The following VWC2 variants were observed in gnomAD, a reference collection of about 807,000 sequenced individuals.
The protein encoded by VWC2 is von Willebrand factor C domain containing 2.
In VWC2, 14 loss-of-function variants were observed where a neutral mutation model predicts 29.8. That is an observed-to-expected ratio of 0.47 (90% confidence interval 0.31 to 0.74). The LOEUF (loss-of-function observed/expected upper bound fraction) is 0.74, where lower values mean the gene tolerates loss of function less well. VWC2 is among the 30% of genes least tolerant of loss of function. The pLI, the probability that VWC2 is intolerant of heterozygous loss-of-function variation, is 0.05. For synonymous variants in VWC2, 213 were observed against 199.0 expected, an observed-to-expected ratio of 1.07 and a Z score of -0.59; for missense variants, 457 against 459.8, an observed-to-expected ratio of 0.99 and a Z score of 0.05.
chr7:49,805,551 G>A (rs1259759960), intron 3 of VWC2, among the ~76,000 whole-genome samples: 2 of 152,126 alleles, frequency 1.3e-5, no homozygotes, highest in Non-Finnish European at 2.9e-5. Flanking sequence ...GGAAAATGGG[G>A]TTTGAAATTC....
chr7:49,860,989 G>C (rs1408721837), intron 3 of VWC2, among the ~76,000 whole-genome samples: 2 of 152,156 alleles, frequency 1.3e-5, no homozygotes, highest in Non-Finnish European at 2.9e-5. Flanking sequence ...AAGCAAACCA[G>C]TCTGTGGTAT....
chr7:49,825,617 T>G (rs1404400028), intron 3 of VWC2, among the ~76,000 whole-genome samples: 1 of 152,204 alleles, frequency 6.6e-6, no homozygotes, highest in Non-Finnish European at 1.5e-5. Context: ...TATGCTGGCA[T>G]TTTGGGCCCA....
At chr7:49,798,134 T>C (rs1327310946) in intron 2 of VWC2, among the ~76,000 whole-genome samples, 1 of 152,254 alleles carries the variant, frequency 6.6e-6, no homozygotes. Context: ...TTAGTTTCCA[T>C]GTGGGACAAA....
At chr7:49,892,976 C>A (rs1406100243) in intron 3 of VWC2, among the ~76,000 whole-genome samples, 3 of 152,082 alleles carry the variant, frequency 2.0e-5, no homozygotes, top group Non-Finnish European at 4.4e-5. Context: ...TTTAATGAAG[C>A]CTGTCCCCAA....
In VWC2 at chr7:49,883,160, C is replaced by A. The variant is rs1392511829; in HGVS notation, c.827-28874C>A. On this transcript the variant is annotated intron_variant, in intron 3 of 3. Coordinates refer to ENST00000340652, the MANE Select transcript of VWC2 (RefSeq NM_198570.5). The stretch of plus-strand genomic sequence containing the variant: ...GAGGAAGGCGCAGGGAGCTGTCAGA[C>A]CTTTATGCAGGTTTGAGCTTGAGGA... Among the ~76,000 whole-genome samples, 6 of 152,128 alleles carry A rather than the reference C, an allele frequency of 3.9e-5. No individual in the cohort carries two copies. In the East Asian group the frequency reaches 1.2e-3, roughly 29 times the overall value.
intron 3 of VWC2, among the ~76,000 whole-genome samples, chr7:49,883,283 G>C (rs190232324): frequency 2.6e-5 from 4 of 152,056 alleles, no homozygotes; most frequent in African/African-American, 9.7e-5. Flanking sequence ...GCGAATCCAG[G>C]GCACTGCCAT....
Position 49,916,664 on chromosome 7 carries a change from T to C in VWC2, c.*4479T>C, listed in dbSNP as rs1416078084. Reference sequence around the variant, plus strand: ...CCAATATCTATATGTTAAAGGCTTGTTGAATTGTATTCCATCTATTAGTTC... The same window carrying C: ...CCAATATCTATATGTTAAAGGCTTGCTGAATTGTATTCCATCTATTAGTTC... On this transcript the variant is annotated 3_prime_UTR_variant, in exon 4 of 4. Transcript: ENST00000340652. 5 of 152,252 alleles carry C rather than the reference T, an allele frequency of 3.3e-5. No homozygotes were observed. Among genetic ancestry groups the C allele is most frequent in the Non-Finnish European group, 4.4e-5 (3 of 68,038 alleles). 9.4% of individuals were successfully genotyped at this position (152,252 alleles called of 1,614,324 possible).
At chr7:49,804,405 G>T (rs959366954) in intron 3 of VWC2, among the ~76,000 whole-genome samples, 1 of 152,154 alleles carries the variant, frequency 6.6e-6, no homozygotes, top group Non-Finnish European at 1.5e-5. Context: ...GAGGGCTGGC[G>T]CTCAGGCCAT....
At chr7:49,865,965 G>A (rs568817011) in intron 3 of VWC2, among the ~76,000 whole-genome samples, 1 of 152,132 alleles carries the variant, frequency 6.6e-6, no homozygotes, top group South Asian at 2.1e-4. Flanking sequence ...ATCTTAAATT[G>A]CTTAGGTTTT....
intron 3 of VWC2, among the ~76,000 whole-genome samples, chr7:49,869,784 G>A (rs113200274): frequency 2.0e-5 from 3 of 151,880 alleles, no homozygotes; most frequent in Admixed American, 6.6e-5. Flanking sequence ...GGATGTGCAC[G>A]GCCACAAACT....
intron 3 of VWC2, among the ~76,000 whole-genome samples, chr7:49,839,699 A>G (rs1407445468): frequency 6.6e-6 from 1 of 152,218 alleles, no homozygotes; most frequent in Non-Finnish European, 1.5e-5. Flanking sequence ...TGTTGGATCC[A>G]TGCAAGTGGG....
chr7:49,807,987 T>A (rs1164527024), intron 3 of VWC2, among the ~76,000 whole-genome samples: 1 of 152,132 alleles, frequency 6.6e-6, no homozygotes, highest in Non-Finnish European at 1.5e-5. Context: ...TTTTCCCAAT[T>A]CCTCTGGTCA....
chr7:49,827,688 A>G (rs1029613116), intron 3 of VWC2, among the ~76,000 whole-genome samples: 1 of 152,164 alleles, frequency 6.6e-6, no homozygotes, highest in Non-Finnish European at 1.5e-5. Flanking sequence ...ACCATGTACA[A>G]GAGCAATTCT....
chr7:49,903,460 A>T (rs1390262468), intron 3 of VWC2, among the ~76,000 whole-genome samples: 1 of 152,228 alleles, frequency 6.6e-6, no homozygotes, highest in Non-Finnish European at 1.5e-5. Context: ...CAAAGGCTTT[A>T]TGCTGAGTTT....
chr7:49,776,661 T>C (rs1788061359), intron 2 of VWC2, among the ~76,000 whole-genome samples: 1 of 152,156 alleles, frequency 6.6e-6, no homozygotes, highest in South Asian at 2.1e-4. Flanking sequence ...CAAATCATAG[T>C]GGATGGTGAA....
intron 3 of VWC2, among the ~76,000 whole-genome samples, chr7:49,824,871 TATTTCCTACC>T (rs1789356987): frequency 6.6e-6 from 1 of 152,182 alleles, no homozygotes; most frequent in South Asian, 2.1e-4. Flanking sequence ...ATTAATCTTG[TATTTCCTACC>T]TTGCAAAATT....
intron 3 of VWC2, among the ~76,000 whole-genome samples, chr7:49,848,735 C>A (rs1203807195): frequency 6.6e-6 from 1 of 152,214 alleles, no homozygotes; most frequent in Admixed American, 6.5e-5. Flanking sequence ...TGAATCATTT[C>A]TCTCACAGGT....
At chr7:49,898,432 T>A (rs1792513474) in intron 3 of VWC2, among the ~76,000 whole-genome samples, 1 of 152,162 alleles carries the variant, frequency 6.6e-6, no homozygotes, top group African/African-American at 2.4e-5. Context: ...TGAACATTTC[T>A]TGTAAGGGTG....
intron 3 of VWC2, among the ~76,000 whole-genome samples, chr7:49,907,569 A>T (rs1562767539): frequency 6.6e-6 from 1 of 152,194 alleles, no homozygotes; most frequent in Non-Finnish European, 1.5e-5. Flanking sequence ...AATATGAGTA[A>T]CCATGGTCCA....
Sources: gnomAD v4.1 joint callset for allele counts (sites outside exome capture counted in the v4.1 genomes callset) on GRCh38, gnomAD v4.1.1 for gene constraint, MANE v1.5 for transcripts, NCBI Gene and HGNC (gene_info 2026-07-23, HGNC 2026-07-21) for gene names.